BASP1: variants seen among roughly 807,000 people sequenced by gnomAD.
BASP1 encodes the protein brain acid soluble protein 1.
Under a neutral mutation model 2.2 loss-of-function variants are expected in BASP1, and 1 was observed. The ratio of observed to expected loss-of-function variants is 0.46; its 90% confidence interval spans 0.16 to 2.17. The LOEUF is 2.17. Among genes scored for constraint, BASP1 ranks in the 30% most tolerant of loss-of-function variants. BASP1 has a pLI of 0.27. For synonymous variants in BASP1, 187 were observed against 154.2 expected (o/e 1.21, Z -1.58); for missense variants, 352 against 327.2 (o/e 1.08, Z -0.58).
At chr5:17,266,871 C>T (rs2126518099) in intron 1 of BASP1, among the ~76,000 whole-genome samples, 1 of 147,898 alleles carries the variant, frequency 6.8e-6, no homozygotes, top group South Asian at 2.2e-4. Flanking sequence ...AATGTAGGAA[C>T]TCCAAACATA....
chr5:17,248,173 C>T (rs1740032069), intron 1 of BASP1, among the ~76,000 whole-genome samples: 1 of 152,198 alleles, frequency 6.6e-6, no homozygotes, highest in African/African-American at 2.4e-5. Flanking sequence ...ATTCTCACTT[C>T]AGCTATACGT....
At position 17,268,680 on chromosome 5, in the gene BASP1, C is replaced by G. The variant is rs573822287; in HGVS notation, c.-9-6528C>G. ...TCTTCTGTGTTCCCTGACAGGCTTC[C>G]TGGAGAAAAAGGAACAAGCAATTGG... On this transcript the variant is annotated intron_variant, in intron 1 of 1. Transcript: ENST00000322611. Among the ~76,000 whole-genome samples, 4 of 152,250 alleles carry G rather than the reference C, an allele frequency of 2.6e-5. No individual in the cohort carries two copies. The South Asian group carries it at 8.3e-4, about 32-fold the overall frequency.
At chr5:17,254,304 G>T (rs1050054593) in intron 1 of BASP1, among the ~76,000 whole-genome samples, 2 of 152,092 alleles carry the variant, frequency 1.3e-5, no homozygotes, top group African/African-American at 4.8e-5. Flanking sequence ...CATTTTTAAA[G>T]TGCCTGTTCC....
intron 1 of BASP1, among the ~76,000 whole-genome samples, chr5:17,239,267 G>C (rs1016983401): frequency 6.6e-6 from 1 of 152,036 alleles, no homozygotes; most frequent in Admixed American, 6.6e-5. Flanking sequence ...CTAATTTTTT[G>C]TATTTTCAGT....
At chr5:17,262,220 C>G (rs1579499441) in intron 1 of BASP1, among the ~76,000 whole-genome samples, 1 of 152,208 alleles carries the variant, frequency 6.6e-6, no homozygotes, top group African/African-American at 2.4e-5. Flanking sequence ...TCTCCTTCCT[C>G]TTAAATATCA....
chr5:17,256,310 T>C (rs554838942), intron 1 of BASP1, among the ~76,000 whole-genome samples: 42 of 152,352 alleles, frequency 2.8e-4, no homozygotes, highest in African/African-American at 9.9e-4. Flanking sequence ...AGAATTTAGC[T>C]CACAGGCTAG....
rs1056311359 is a variant in BASP1, at chr5:17,236,461, C to T, written c.-10+18651C>T. On this transcript the variant is annotated intron_variant, in intron 1 of 1. Transcript: ENST00000322611. This position sits in a 1 kb window ranked among gnomAD's most constrained non-coding sequence, Gnocchi z 4.0. Reference sequence around the variant, plus strand: ...TGTATTTTTAGTAGAGACGGGGTTTCGCCTTGTTGGTCAGGCTGGTCTCAA... The same window carrying T: ...TGTATTTTTAGTAGAGACGGGGTTTTGCCTTGTTGGTCAGGCTGGTCTCAA... Among the ~76,000 whole-genome samples, 2 of 152,074 alleles carry T rather than the reference C, an allele frequency of 1.3e-5. No individual in the cohort carries two copies. Among genetic ancestry groups the T allele is most frequent in the African/African-American group, 2.4e-5 (1 of 41,390 alleles).
At chr5:17,233,480 G>A (rs2126494483) in intron 1 of BASP1, among the ~76,000 whole-genome samples, 1 of 152,274 alleles carries the variant, frequency 6.6e-6, no homozygotes, top group Non-Finnish European at 1.5e-5. Context: ...TAGTCCAGAA[G>A]GCCATGTCAG....
At chr5:17,256,798 T>A (rs1740219409) in intron 1 of BASP1, among the ~76,000 whole-genome samples, 1 of 152,242 alleles carries the variant, frequency 6.6e-6, no homozygotes, top group Non-Finnish European at 1.5e-5. Context: ...CTTGTGGCCT[T>A]AATTGCATGC....
intron 1 of BASP1, among the ~76,000 whole-genome samples, chr5:17,273,343 T>G (rs1740567163): frequency 6.6e-6 from 1 of 152,200 alleles, no homozygotes; most frequent in Non-Finnish European, 1.5e-5. Context: ...AATCAAAAAT[T>G]AAATCCAATA....
upstream of BASP1, among the ~76,000 whole-genome samples, chr5:17,217,354 G>A (rs1303517620): frequency 1.6e-5 from 1 of 64,298 alleles, no homozygotes. Flanking sequence ...GGGGAGTCAA[G>A]GGGAGGCGGG....
At chr5:17,221,421 CAGA>C (rs1252995043) in intron 1 of BASP1, among the ~76,000 whole-genome samples, 1 of 137,244 alleles carries the variant, frequency 7.3e-6, no homozygotes, top group Non-Finnish European at 1.5e-5. Context: ...TATTATTTGT[CAGA>C]AGCAATTGCC....
At chr5:17,245,307 C>A (rs79368213) in intron 1 of BASP1, among the ~76,000 whole-genome samples, 2,775 of 71,438 alleles carry the variant, frequency 0.039, 26 homozygotes, top group African/African-American at 0.066. Context: ...GACTCCGTCT[C>A]AAAAAAAAAA....
rs1363528232 is a variant in BASP1 at position 17,226,827 on chromosome 5, C to G, written c.-10+9017C>G. ...CCACTCCTTAATTCTGCAATGCACC[C>G]AGAAGGCAGGGTGAGGTTAGATGAT... On this transcript the variant is annotated intron_variant, in intron 1 of 1. Transcript: ENST00000322611. 2.0e-5 allele frequency among the ~76,000 whole-genome samples: 3 copies of G among 152,164 alleles called. No individual in the cohort carries two copies. In the East Asian group the frequency reaches 5.8e-4, roughly 29 times the overall value.
In BASP1 at chr5:17,251,081, T is replaced by C. The variant is rs1740094571; in HGVS notation, c.-9-24127T>C. ...GAAATGGGTTCTAGGGCTGATCTGG[T>C]AGTTGAGGGGTGTGATCAAGTTTCC... is the stretch of plus-strand genomic sequence containing the variant. On this transcript the variant is annotated intron_variant, in intron 1 of 1. Coordinates refer to ENST00000322611, the MANE Select transcript of BASP1 (RefSeq NM_006317.5). The surrounding 1 kb of genome is among the most constrained non-coding windows in gnomAD (Gnocchi z 4.0). Among the ~76,000 whole-genome samples, 1 of 152,216 alleles carries C rather than the reference T, an allele frequency of 6.6e-6. No individual in the cohort carries two copies. The highest frequency in any genetic ancestry group is 2.1e-4 in the South Asian group (1 of 4,828).
At chr5:17,221,478 G>A (rs915295714) in intron 1 of BASP1, among the ~76,000 whole-genome samples, 13 of 150,696 alleles carry the variant, frequency 8.6e-5, no homozygotes, top group African/African-American at 3.2e-4. Context: ...GATTTGTCCA[G>A]ACCTTTATCT....
intron 1 of BASP1, among the ~76,000 whole-genome samples, chr5:17,243,024 A>G (rs1739899339): frequency 1.3e-5 from 2 of 152,134 alleles, no homozygotes. Flanking sequence ...ATGAAACCAG[A>G]TCATGTGTGT....
chr5:17,255,928 G>T (rs181149145), intron 1 of BASP1, among the ~76,000 whole-genome samples: 1 of 152,270 alleles, frequency 6.6e-6, no homozygotes, highest in East Asian at 1.9e-4. Context: ...TTCTAGATAG[G>T]GAACTCAAGA....
intron 1 of BASP1, among the ~76,000 whole-genome samples, chr5:17,225,754 G>C (rs766813991): frequency 6.6e-5 from 10 of 152,212 alleles, no homozygotes; most frequent in Non-Finnish European, 1.3e-4. Flanking sequence ...GTGGTGGATG[G>C]AGAGCTTTTA....
Sources: gnomAD v4.1 joint callset for allele counts (sites outside exome capture counted in the v4.1 genomes callset) on GRCh38, gnomAD v4.1.1 for gene constraint, Gnocchi (gnomAD v3.1) non-coding constraint, MANE v1.5 for transcripts, NCBI Gene and HGNC (gene_info 2026-07-23, HGNC 2026-07-21) for gene names.